Variants in PRDM5 observed in about 807,000 individuals in gnomAD.
The protein encoded by PRDM5 is PR domain zinc finger protein 5.
A neutral mutation model predicts 81.2 loss-of-function variants in PRDM5; 56 were observed. That is an observed-to-expected ratio of 0.69 (90% CI 0.56 to 0.86). PRDM5 has a LOEUF of 0.86. PRDM5 is among the 40% of genes least tolerant of loss of function. PRDM5 has a pLI of 0.00. For synonymous variants in PRDM5, 267 were observed against 256.4 expected (o/e 1.04, Z -0.39); for missense variants, 697 against 770.1 (o/e 0.91, Z 1.12).
intron 2 of PRDM5, among the ~76,000 whole-genome samples, chr4:120,904,614 G>C (rs999543628): frequency 1.3e-5 from 2 of 152,112 alleles, no homozygotes; most frequent in Admixed American, 6.5e-5. Flanking sequence ...GAGACAACTA[G>C]TGTGAAAACA....
At chr4:120,871,629 A>G (rs1021478543) in intron 2 of PRDM5, among the ~76,000 whole-genome samples, 8 of 152,228 alleles carry the variant, frequency 5.3e-5, no homozygotes, top group Non-Finnish European at 1.0e-4. Flanking sequence ...AGTATCCTCC[A>G]TCGTAAACTT....
chr4:120,847,797 A>G (rs1007919526), intron 3 of PRDM5, among the ~76,000 whole-genome samples: 2 of 151,968 alleles, frequency 1.3e-5, no homozygotes, highest in African/African-American at 4.8e-5. Context: ...CAGAACCTTC[A>G]TATTAGTCAA....
chr4:120,775,202 G>A (rs1356437192), intron 13 of PRDM5, among the ~76,000 whole-genome samples: 1 of 151,410 alleles, frequency 6.6e-6, no homozygotes, highest in Non-Finnish European at 1.5e-5. Context: ...AAAGTGATTT[G>A]GAGTGTAGAA....
chr4:120,788,938 G>A (rs576092665), intron 10 of PRDM5, among the ~76,000 whole-genome samples: 1 of 152,316 alleles, frequency 6.6e-6, no homozygotes, highest in South Asian at 2.1e-4. Context: ...GTTGCAAATA[G>A]AGAACTTCTG....
intron 8 of PRDM5, among the ~76,000 whole-genome samples, chr4:120,802,869 C>T (rs6534206): frequency 0.011 from 1,670 of 152,228 alleles, 25 homozygotes; most frequent in African/African-American, 0.036. Context: ...ATGACTTTGA[C>T]GAGTTGAGAG....
At chr4:120,689,812 G>A (rs980553857), downstream of PRDM5, among the ~76,000 whole-genome samples, 4 of 151,716 alleles carry the variant, frequency 2.6e-5, no homozygotes, top group East Asian at 1.9e-4. Context: ...ATGGGGTTTC[G>A]CCATGTTGCA....
chr4:120,873,585 C>A (rs1762059796), intron 2 of PRDM5, among the ~76,000 whole-genome samples: 1 of 152,216 alleles, frequency 6.6e-6, no homozygotes, highest in South Asian at 2.1e-4. Flanking sequence ...TCACTCAAAT[C>A]AAAAGTCATT....
At chr4:120,879,875 G>T (rs1762675206) in intron 2 of PRDM5, among the ~76,000 whole-genome samples, 1 of 152,070 alleles carries the variant, frequency 6.6e-6, no homozygotes, top group African/African-American at 2.4e-5. Context: ...GGGTGAAGGA[G>T]GGAGGGACGA....
chr4:120,816,459 G>A lies in PRDM5; in HGVS notation c.859C>T (p.His287Tyr), dbSNP rs1754510662. 1 of 1,614,076 alleles carries A rather than the reference G, an allele frequency of 6.2e-7. No individual in the cohort carries two copies. The highest frequency in any genetic ancestry group is 8.5e-7 in the Non-Finnish European group (1 of 1,180,044). Reference protein sequence around the residue: ...DALKRHQENVHTGDPKKKLIC... With the variant: ...DALKRHQENVYTGDPKKKLIC... ...CCCTCCAACGACTCCTCACCAGTGT[G>A]GACATTTTCCTGGTGTCTTTTCAGG... is the stretch of plus-strand genomic sequence containing the variant. Residue 287 changes from histidine (H) to tyrosine (Y), a missense_variant, in exon 7 of 16, where the codon CAC becomes TAC. Around this residue, in one of 3 missense-constraint regions of PRDM5, gnomAD observed 577 missense variants for 606.7 expected, o/e 0.95. Coordinates refer to ENST00000264808, the MANE Select transcript of PRDM5 (RefSeq NM_018699.4).
At chr4:120,802,579 G>A (rs1752290836) in intron 8 of PRDM5, among the ~76,000 whole-genome samples, 2 of 152,360 alleles carry the variant, frequency 1.3e-5, no homozygotes, top group South Asian at 4.1e-4. Context: ...CTCTGCTGCT[G>A]ATACCCAGGC....
At chr4:120,828,801 A>G (rs148273945) in intron 3 of PRDM5, among the ~76,000 whole-genome samples, 4 of 152,106 alleles carry the variant, frequency 2.6e-5, no homozygotes, top group African/African-American at 9.6e-5. Context: ...AGTTCCTTAT[A>G]TGTGGTATAT....
intron 14 of PRDM5, among the ~76,000 whole-genome samples, chr4:120,741,280 C>A (rs1741895519): frequency 6.6e-6 from 1 of 152,106 alleles, no homozygotes; most frequent in Non-Finnish European, 1.5e-5. Context: ...TAGCATACAG[C>A]AGCCCTCACT....
At chr4:120,736,108 G>A (rs978373096) in intron 14 of PRDM5, among the ~76,000 whole-genome samples, 1 of 151,214 alleles carries the variant, frequency 6.6e-6, no homozygotes, top group Non-Finnish European at 1.5e-5. Flanking sequence ...TCTGTGTCTG[G>A]CTTGTTCCAC....
chr4:120,783,482 CCT>C (rs1400168708), intron 11 of PRDM5, among the ~76,000 whole-genome samples: 1 of 152,014 alleles, frequency 6.6e-6, no homozygotes, highest in Non-Finnish European at 1.5e-5. Flanking sequence ...GTTAAGAATT[CCT>C]TGCTGTTATT....
At chr4:120,842,492 C>T (rs1331987608) in intron 3 of PRDM5, among the ~76,000 whole-genome samples, 1 of 152,062 alleles carries the variant, frequency 6.6e-6, no homozygotes, top group Non-Finnish European at 1.5e-5. Context: ...CCCCACTAGA[C>T]GAAATGAACA....
At chr4:120,911,439 A>T (rs1212293815) in intron 1 of PRDM5, among the ~76,000 whole-genome samples, 1 of 152,214 alleles carries the variant, frequency 6.6e-6, no homozygotes, top group Non-Finnish European at 1.5e-5. Context: ...CCCATAATGG[A>T]GCATCTTTGT....
At chr4:120,873,265 A>C (rs567661803) in intron 2 of PRDM5, among the ~76,000 whole-genome samples, 2 of 152,218 alleles carry the variant, frequency 1.3e-5, no homozygotes, top group East Asian at 1.9e-4. Context: ...CGGCCTCCCA[A>C]AGTGCTAGCA....
At chr4:120,724,924 C>T (rs904960677) in intron 14 of PRDM5, among the ~76,000 whole-genome samples, 51 of 152,068 alleles carry the variant, frequency 3.4e-4, no homozygotes, top group Admixed American at 3.2e-3. Context: ...GAGTCAACAC[C>T]GCACAGATGC....
chr4:120,827,048 A>G (rs1756086788), intron 3 of PRDM5, among the ~76,000 whole-genome samples: 1 of 152,178 alleles, frequency 6.6e-6, no homozygotes, highest in Admixed American at 6.5e-5. Flanking sequence ...CAGTCAACAA[A>G]TCTACAAAGT....
Sources: allele counts gnomAD v4.1 joint callset (sites outside exome capture counted in the v4.1 genomes callset), GRCh38; gene constraint gnomAD v4.1.1; regional missense constraint gnomAD v4.1.1; transcripts MANE v1.5; gene names NCBI Gene and HGNC (gene_info 2026-07-23, HGNC 2026-07-21).